AHSG: variants seen among roughly 807,000 people sequenced by gnomAD.
AHSG encodes the protein alpha-2-HS-glycoprotein.
Under a neutral mutation model 30.1 loss-of-function variants are expected in AHSG, and 23 were observed. The observed-to-expected ratio is 0.76, with a 90% CI of 0.55 to 1.08. AHSG has a LOEUF of 1.08. Ranked by LOEUF, AHSG falls within the 50% of genes least tolerant of loss-of-function variation. AHSG has a pLI of 0.00. For synonymous variants in AHSG, 164 were observed against 186.3 expected, an observed-to-expected ratio of 0.88 and a Z score of 0.98; for missense variants, 469 against 459.5, an observed-to-expected ratio of 1.02 and a Z score of -0.19.
chr3:186,617,561 C>CA, intron 4 of AHSG: 1 of 862,260 alleles, frequency 1.2e-6, no homozygotes. Flanking sequence ...GCGCCTCCCC[C>CA]ATGCTGAGCC....
At chr3:186,619,169 C>T (rs920958284) in intron 5 of AHSG, among the ~76,000 whole-genome samples, 2 of 151,966 alleles carry the variant, frequency 1.3e-5, no homozygotes, top group Admixed American at 6.6e-5. Flanking sequence ...TGGTGGTGAG[C>T]GCCTGTAGTC....
In AHSG at chr3:186,620,691, C is replaced by T; in HGVS notation, c.865C>T (p.Pro289Ser). ...PSPPLGAPGL[P>S]PAGSPPDSHV... ...CCCTCCACTTGGCGCACCTGGACTCCCTCCAGCTGGCTCACCCCCAGACTC... is the reference window on the plus strand; with the variant it reads ...CCCTCCACTTGGCGCACCTGGACTCTCTCCAGCTGGCTCACCCCCAGACTC... Residue 289 changes from proline (P) to serine (S), a missense_variant, in exon 7 of 7, where the codon CCT (proline) becomes TCT (serine). By Grantham distance (74) the Pro-to-Ser change is moderately conservative. Coordinates refer to ENST00000411641, the MANE Select transcript of AHSG (RefSeq NM_001622.4). 2 of 1,614,160 alleles carry T rather than the reference C, an allele frequency of 1.2e-6. No homozygotes were observed. Among genetic ancestry groups the T allele is most frequent in the Admixed American group, 1.7e-5 (1 of 60,028 alleles).
At position 186,618,549 on chromosome 3, in the gene AHSG, C is replaced by G; in HGVS notation, c.587C>G (p.Ser196Cys). 6.2e-7 allele frequency: 1 copy of G among 1,613,814 alleles called. No homozygotes were observed. The highest frequency in any genetic ancestry group is 8.5e-7 in the Non-Finnish European group (1 of 1,179,730). Residue 196 changes from serine to cysteine, a missense_variant, in exon 5 of 7, where the codon TCT becomes TGT. Physicochemically the swap from Ser to Cys is moderately radical, Grantham distance 112 (BLOSUM62 -1). Transcript: ENST00000411641. ...SRAQLVPLPPSTYVEFTVSGT... is the reference protein window; with the variant it reads ...SRAQLVPLPPCTYVEFTVSGT... ...TACTCTTCTCAGCCCCTCCCACCTTCTACCTATGTGGAGTTTACAGTGTCT... is the reference window on the plus strand; with the variant it reads ...TACTCTTCTCAGCCCCTCCCACCTTGTACCTATGTGGAGTTTACAGTGTCT...
intron 2 of AHSG, 103 bp downstream of exon 2, chr3:186,615,898 T>C (rs1716289720): frequency 9.4e-7 from 1 of 1,066,510 alleles, no homozygotes; most frequent in Admixed American, 2.0e-5. Context: ...GTGCAGTTTC[T>C]AAAATTGCCA....
intron 2 of AHSG, 89 bp from the exon 3 acceptor site, chr3:186,616,354 G>A: frequency 1.1e-6 from 1 of 948,880 alleles, no homozygotes; most frequent in Non-Finnish European, 1.6e-6. Flanking sequence ...GATTTTGCAA[G>A]GGTCACCTTT....
chr3:186,615,793 C>A lies in AHSG; in HGVS notation c.322C>A (p.His108Asn). Reference sequence around the variant, plus strand: ...ATGCAGCGTGAGGCAGCTGAAGGAGCATGTGAGTACCCTTCTTAGGATGAC... The same window carrying A: ...ATGCAGCGTGAGGCAGCTGAAGGAGAATGTGAGTACCCTTCTTAGGATGAC... ...ARCSVRQLKEHAVEGDCDFQL... is the reference protein window; with the variant it reads ...ARCSVRQLKENAVEGDCDFQL... Residue 108 changes from histidine to asparagine, a missense_variant and splice_region_variant, in exon 2 of 7, where the codon CAT becomes AAT. His to Asn is a moderately conservative substitution (Grantham distance 68). Transcript: ENST00000411641. 1 of 1,613,560 alleles carries A rather than the reference C, an allele frequency of 6.2e-7. No individual in the cohort carries two copies. Among genetic ancestry groups the A allele is most frequent in the South Asian group, 1.1e-5 (1 of 91,066 alleles).
intron 1 of AHSG, 110 bp downstream of exon 1, chr3:186,613,464 T>TTACTC: frequency 3.9e-6 from 4 of 1,022,120 alleles, no homozygotes; most frequent in Non-Finnish European, 5.7e-6. Context: ...AGGAGTAAAT[T>TTACTC]CTCTGATTTC....
intron 4 of AHSG, 49 bp from the exon 5 acceptor site, chr3:186,618,487 T>C (rs1388355593): frequency 3.1e-6 from 5 of 1,598,752 alleles, no homozygotes; most frequent in Non-Finnish European, 4.3e-6. Context: ...TCTGCCCTTT[T>C]CATTGTAAGT....
intron 1 of AHSG, among the ~76,000 whole-genome samples, chr3:186,614,179 G>A (rs1294353836): frequency 6.6e-6 from 1 of 152,282 alleles, no homozygotes; most frequent in Non-Finnish European, 1.5e-5. Context: ...GATTTGGAGA[G>A]GTGGAAAGAA....
intron 4 of AHSG, 26 bp downstream of exon 4, chr3:186,617,376 G>A (rs1429874501): frequency 1.2e-6 from 2 of 1,614,112 alleles, no homozygotes; most frequent in Non-Finnish European, 1.7e-6. Flanking sequence ...CTTTTGACAG[G>A]TTGGGCAGTT....
At position 186,615,764 on chromosome 3, in the gene AHSG, C is replaced by A. The variant is rs1471972882; in HGVS notation, c.293C>A (p.Ala98Glu). The A allele has an allele frequency of 1.2e-6, 2 of 1,614,100 alleles. No individual in the cohort carries two copies. ...CATGTGCTGGACCCCACCCCTGTGG[C>A]AAGATGCAGCGTGAGGCAGCTGAAG... is the stretch of plus-strand genomic sequence containing the variant. ...TCHVLDPTPV[A>E]RCSVRQLKEH... The change falls in exon 2 of 7, where the codon GCA (alanine) becomes GAA (glutamate). Residue 98 changes from alanine (A) to glutamate (E), a missense_variant. Coordinates refer to ENST00000411641, the MANE Select transcript of AHSG (RefSeq NM_001622.4).
chr3:186,614,577 G>A (rs1716238546), intron 1 of AHSG, among the ~76,000 whole-genome samples: 1 of 152,242 alleles, frequency 6.6e-6, no homozygotes, highest in Non-Finnish European at 1.5e-5. Flanking sequence ...AGGAGGAAAC[G>A]CTGATCAAGT....
At chr3:186,617,510 G>A (rs980008171) in intron 4 of AHSG, 160 bp downstream of exon 4, 5 of 1,362,960 alleles carry the variant, frequency 3.7e-6, no homozygotes, top group Non-Finnish European at 5.1e-6. Context: ...TCCTAAGGGG[G>A]TATGAGGCTC....
At chr3:186,617,666 C>T (rs1305916433) in intron 4 of AHSG, 3 of 429,562 alleles carry the variant, frequency 7.0e-6, no homozygotes, top group South Asian at 6.4e-5. Flanking sequence ...GGTAGAGTTG[C>T]CCACGTCGGC....
chr3:186,616,394 G>A lies in AHSG; in HGVS notation c.325-49G>A, dbSNP rs371601256. 90 of 1,505,082 alleles carry A rather than the reference G, an allele frequency of 6.0e-5. No individual in the cohort carries two copies. In the African/African-American group the frequency reaches 1.1e-3, roughly 18 times the overall value. 93.2% of individuals were successfully genotyped at this position (1,505,082 alleles called of 1,614,324 possible). ...GCCGTGCCTGGAGGGAGCCTGCCCG[G>A]GGTGCGAAGGGGAAGGGCAGCCATC... On this transcript the variant is annotated intron_variant, in intron 2 of 6. Transcript: ENST00000411641.
At chr3:186,619,027 T>C (rs1716396953) in intron 5 of AHSG, among the ~76,000 whole-genome samples, 1 of 152,234 alleles carries the variant, frequency 6.6e-6, no homozygotes, top group African/African-American at 2.4e-5. Flanking sequence ...CCAGGCATGA[T>C]GGCTCATGCC....
At position 186,613,333 on chromosome 3, in the gene AHSG, T is replaced by C. The variant is rs777775803; in HGVS notation, c.192T>C (p.Asp64=). The part of the protein sequence containing the change: ...WGYKHTLNQI[D]EVKVWPQQPS... Reference sequence around the variant, plus strand: ...ACAAACACACCTTGAACCAGATTGATGAAGTAAAGGTGTGGCCTCAGGTAA... The same window carrying C: ...ACAAACACACCTTGAACCAGATTGACGAAGTAAAGGTGTGGCCTCAGGTAA... The change falls in exon 1 of 7, where the codon GAT becomes GAC. Residue 64 remains aspartate, a synonymous_variant. Coordinates refer to ENST00000411641, the MANE Select transcript of AHSG (RefSeq NM_001622.4). The C allele has an allele frequency of 1.2e-5, 19 of 1,613,752 alleles. No individual in the cohort carries two copies. The South Asian group carries it at 1.9e-4, about 16-fold the overall frequency.
intron 3 of AHSG, 136 bp from the exon 4 acceptor site, chr3:186,617,051 T>G: frequency 6.7e-7 from 1 of 1,493,820 alleles, no homozygotes; most frequent in Non-Finnish European, 8.9e-7. Context: ...AGCAAAAGCC[T>G]TTTGAAGGTT....
intron 6 of AHSG, among the ~76,000 whole-genome samples, chr3:186,620,144 C>A (rs1716436532): frequency 6.6e-6 from 1 of 152,186 alleles, no homozygotes; most frequent in South Asian, 2.1e-4. Context: ...CTAGTGACTA[C>A]AGGGAAGAAC....
Sources: allele counts gnomAD v4.1 joint callset (sites outside exome capture counted in the v4.1 genomes callset), GRCh38; gene constraint gnomAD v4.1.1; transcripts MANE v1.5; gene names NCBI Gene and HGNC (gene_info 2026-07-23, HGNC 2026-07-21).